The following B3GLCT variants were observed in gnomAD, a reference collection of about 807,000 sequenced individuals.
B3GLCT encodes beta 3-glucosyltransferase.
A neutral mutation model predicts 63.4 loss-of-function variants in B3GLCT; 65 were observed. The ratio of observed to expected loss-of-function variants is 1.03; its 90% CI spans 0.84 to 1.26. The LOEUF is 1.26. B3GLCT is among the 50% of genes most tolerant of loss of function. The pLI, the probability that B3GLCT is intolerant of heterozygous loss-of-function variation, is 0.00. For missense variants in B3GLCT, 577 were observed against 604.8 expected, an observed-to-expected ratio of 0.95 and a Z score of 0.48; for synonymous variants, 233 against 219.2, an observed-to-expected ratio of 1.06 and a Z score of -0.55.
intron 4 of B3GLCT, among the ~76,000 whole-genome samples, chr13:31,236,557 G>A (rs543992163): frequency 8.5e-5 from 13 of 152,274 alleles, no homozygotes; most frequent in African/African-American, 4.8e-5. Flanking sequence ...TACGAAGGTC[G>A]GTTATTGTTC....
At chr13:31,292,391 G>C (rs1034048869) in intron 12 of B3GLCT, among the ~76,000 whole-genome samples, 2 of 152,176 alleles carry the variant, frequency 1.3e-5, no homozygotes, top group Non-Finnish European at 2.9e-5. Context: ...AGTGGTACCA[G>C]CTCCTCTTTG....
intron 13 of B3GLCT, among the ~76,000 whole-genome samples, chr13:31,322,261 C>T (rs965196103): frequency 3.9e-5 from 6 of 152,258 alleles, no homozygotes; most frequent in African/African-American, 1.4e-4. Flanking sequence ...CCCAGAGAGA[C>T]TGCCATGACC....
intron 6 of B3GLCT, chr13:31,260,441 A>G (rs1339276124): frequency 3.9e-5 from 6 of 154,498 alleles, no homozygotes; most frequent in East Asian, 1.9e-4. Flanking sequence ...ACCTGAAGTT[A>G]TTTGATTTAC....
intron 1 of B3GLCT, among the ~76,000 whole-genome samples, chr13:31,207,665 T>C (rs898065074): frequency 2.6e-5 from 4 of 152,196 alleles, no homozygotes; most frequent in African/African-American, 9.7e-5. Flanking sequence ...AAAGCTAATA[T>C]TCCAGTGTTT....
intron 2 of B3GLCT, among the ~76,000 whole-genome samples, chr13:31,215,553 A>G (rs780992382): frequency 2.0e-5 from 3 of 152,136 alleles, no homozygotes; most frequent in African/African-American, 4.8e-5. Context: ...AGCTGGGAAT[A>G]CAGGCATGCG....
rs531188196 is a variant in B3GLCT, at chr13:31,278,419, A to G, written c.850+1648A>G. Among the ~76,000 whole-genome samples the G allele has an allele frequency of 5.9e-5, 9 of 152,350 alleles. No homozygotes were observed. The South Asian group carries it at 1.9e-3, about 32-fold the overall frequency. On this transcript the variant is annotated intron_variant, in intron 10 of 14. Transcript: ENST00000343307. ...TTTGAGTCAAAAGTCTTTAAAAATT[A>G]CAAAATCTTAAAAGCCTATTAGGAG...
intron 3 of B3GLCT, among the ~76,000 whole-genome samples, chr13:31,224,881 A>G (rs918176067): frequency 2.6e-5 from 4 of 152,208 alleles, no homozygotes; most frequent in African/African-American, 9.6e-5. Flanking sequence ...ATTTCTGACC[A>G]GGAAGATGAG....
At chr13:31,217,273 T>G (rs1869608742) in intron 2 of B3GLCT, among the ~76,000 whole-genome samples, 2 of 152,222 alleles carry the variant, frequency 1.3e-5, no homozygotes, top group Admixed American at 1.3e-4. Context: ...TTCACGTCCT[T>G]TACCCATTTT....
chr13:31,247,074 T>G lies in B3GLCT; in HGVS notation c.322T>G (p.Trp108Gly). Residue 108 changes from tryptophan to glycine, a missense_variant, in exon 5 of 15, where the codon TGG (tryptophan) becomes GGG (glycine). By Grantham distance (184) the Trp-to-Gly change is radical (BLOSUM62 -2). Transcript: ENST00000343307. The stretch of plus-strand genomic sequence containing the variant: ...TCAGCTGGCTAAACAAGAAGGTGCA[T>G]GGACCATACTTCCGTTGTTACCGCA... ...LHQLAKQEGA[W>G]TILPLLPHFS... 1 of 1,613,722 alleles carries G rather than the reference T, an allele frequency of 6.2e-7. No individual in the cohort carries two copies. The highest frequency in any genetic ancestry group is 8.5e-7 in the Non-Finnish European group (1 of 1,179,824).
chr13:31,234,363 G>A (rs1870537702), intron 4 of B3GLCT, among the ~76,000 whole-genome samples: 1 of 152,174 alleles, frequency 6.6e-6, no homozygotes, highest in African/African-American at 2.4e-5. Flanking sequence ...GTGATAGAAG[G>A]GTACTTGGGA....
intron 1 of B3GLCT, 78 bp downstream of exon 1, chr13:31,200,232 G>C (rs1444273915): frequency 1.1e-6 from 1 of 949,030 alleles, no homozygotes; most frequent in Non-Finnish European, 1.3e-6. Context: ...CGGTCGGCGC[G>C]GGGAGGGAGG....
intron 3 of B3GLCT, among the ~76,000 whole-genome samples, chr13:31,228,039 C>G (rs891621077): frequency 6.6e-6 from 1 of 152,220 alleles, no homozygotes; most frequent in Non-Finnish European, 1.5e-5. Flanking sequence ...TTGGCAAGCC[C>G]TCTGATGGTC....
At chr13:31,261,212 A>ATCTGG in intron 7 of B3GLCT, 130 bp downstream of exon 7, 1 of 1,096,866 alleles carries the variant, frequency 9.1e-7, no homozygotes, top group South Asian at 1.6e-5. Flanking sequence ...GTGTGGTAAG[A>ATCTGG]TCTGGAAAAG....
Position 31,239,119 on chromosome 13 carries a change from A to G in B3GLCT, c.271-7904A>G, listed in dbSNP as rs1312021646. Among the ~76,000 whole-genome samples, 3 of 152,170 alleles carry G rather than the reference A, an allele frequency of 2.0e-5. No individual in the cohort carries two copies. The East Asian group carries it at 5.8e-4, about 29-fold the overall frequency. Reference sequence around the variant, plus strand: ...ATGCCAAGTAGGAACTGGAATTTGTAAGGGAACAGTTTGTGGGATGGGTAA... The same window carrying G: ...ATGCCAAGTAGGAACTGGAATTTGTGAGGGAACAGTTTGTGGGATGGGTAA... On this transcript the variant is annotated intron_variant, in intron 4 of 14. Coordinates refer to ENST00000343307, the MANE Select transcript of B3GLCT (RefSeq NM_194318.4).
Position 31,286,785 on chromosome 13 carries a change from T to G in B3GLCT, c.1030T>G (p.Trp344Gly), listed in dbSNP as rs1873356633. The G allele has an allele frequency of 1.2e-6, 2 of 1,613,244 alleles. No individual in the cohort carries two copies. ...GAATCGTAGCCAGGACAAAACAGCA[T>G]GGTTAGTCATTGTGGATGATGATAC... Reference protein sequence around the residue: ...FLNRSQDKTAWLVIVDDDTLI... With the variant: ...FLNRSQDKTAGLVIVDDDTLI... The change falls in exon 12 of 15, where the codon TGG (tryptophan) becomes GGG (glycine). Residue 344 changes from tryptophan to glycine, a missense_variant. By Grantham distance (184) the Trp-to-Gly change is radical. Transcript: ENST00000343307.
rs117983434 is a variant in B3GLCT, at chr13:31,288,806, A to C, written c.1064+1987A>C. ...GAACAACAATACCAGATATGCAGATATCAATGGAAGGAAACAGGAAACATG... is the reference window on the plus strand; with the variant it reads ...GAACAACAATACCAGATATGCAGATCTCAATGGAAGGAAACAGGAAACATG... On this transcript the variant is annotated intron_variant, in intron 12 of 14. Coordinates refer to ENST00000343307, the MANE Select transcript of B3GLCT (RefSeq NM_194318.4). 2.0e-4 allele frequency among the ~76,000 whole-genome samples: 31 copies of C among 152,322 alleles called. No homozygotes were observed. In the East Asian group the frequency reaches 4.8e-3, roughly 24 times the overall value.
chr13:31,331,590 T>C lies in B3GLCT; in HGVS notation c.*1922T>C, dbSNP rs1476533881. ...GAATGGGGAGGGGAAATGGGGAAAA[T>C]GAATGAATGAAATCAGAAAAAAGTC... On this transcript the variant is annotated 3_prime_UTR_variant, in exon 15 of 15. Transcript: ENST00000343307. 2 of 152,010 alleles carry C rather than the reference T, an allele frequency of 1.3e-5. No homozygotes were observed. The highest frequency in any genetic ancestry group is 4.8e-5 in the African/African-American group (2 of 41,396). The allele number at this position is 152,010 out of a possible 1,614,324, so 9.4% of individuals were successfully genotyped here.
intron 8 of B3GLCT, among the ~76,000 whole-genome samples, chr13:31,270,943 G>A (rs1044364658): frequency 2.0e-5 from 3 of 152,102 alleles, no homozygotes; most frequent in Non-Finnish European, 2.9e-5. Flanking sequence ...AAAGAGAGGG[G>A]GTCCTGTCAG....
chr13:31,281,691 A>T (rs1873077408), intron 10 of B3GLCT, among the ~76,000 whole-genome samples: 1 of 152,230 alleles, frequency 6.6e-6, no homozygotes, highest in African/African-American at 2.4e-5. Context: ...TCTGCTCCTG[A>T]GAAGAGAAGT....
Sources: gnomAD v4.1 joint callset for allele counts (sites outside exome capture counted in the v4.1 genomes callset) on GRCh38, gnomAD v4.1.1 for gene constraint, MANE v1.5 for transcripts, NCBI Gene and HGNC (gene_info 2026-07-23, HGNC 2026-07-21) for gene names.